DPH6: variants seen among roughly 807,000 people sequenced by gnomAD.
The protein encoded by DPH6 is diphthine--ammonia ligase.
A neutral mutation model predicts 38.2 loss-of-function variants in DPH6; 33 were observed. The observed-to-expected ratio is 0.86, with a 90% CI of 0.65 to 1.15. The LOEUF is 1.15. DPH6 is among the 50% of genes most tolerant of loss of function. DPH6 has a pLI of 0.00. For synonymous variants in DPH6, 108 were observed against 103.0 expected (o/e 1.05, Z -0.30); for missense variants, 325 against 320.0 (o/e 1.02, Z -0.12).
chr15:35,321,936 G>T (rs554294660), intron 3 of DPH6, among the ~76,000 whole-genome samples: 1 of 152,290 alleles, frequency 6.6e-6, no homozygotes, highest in Non-Finnish European at 1.5e-5. Flanking sequence ...TCTCTCCAAA[G>T]ACTCAGGGGT....
the DPH6 span, among the ~76,000 whole-genome samples, chr15:35,210,706 C>G: frequency 6.6e-6 from 1 of 152,004 alleles, no homozygotes; most frequent in African/African-American, 2.4e-5. Flanking sequence ...GGACACAGAT[C>G]TTACTAGGAT....
the DPH6 span, among the ~76,000 whole-genome samples, chr15:35,200,983 C>CT: frequency 0.75 from 93,092 of 123,806 alleles, 35,622 homozygotes; most frequent in Middle Eastern, 0.86. Context: ...AATAATTTCC[C>CT]TTTTTTTTTT....
At chr15:35,475,003 A>G (rs536667239) in intron 3 of DPH6, among the ~76,000 whole-genome samples, 2 of 152,188 alleles carry the variant, frequency 1.3e-5, no homozygotes, top group East Asian at 3.9e-4. Flanking sequence ...AAAAAAGCTT[A>G]AACAACTACC....
chr15:35,520,647 T>G (rs1231689097), intron 3 of DPH6: 1 of 984,926 alleles, frequency 1.0e-6, no homozygotes, highest in Non-Finnish European at 1.2e-6. Context: ...GGAGTTAAAT[T>G]ATCTCATTTT....
chr15:35,153,761 A>G, the DPH6 span, among the ~76,000 whole-genome samples: 1 of 152,186 alleles, frequency 6.6e-6, no homozygotes, highest in East Asian at 1.9e-4. Flanking sequence ...GATCATAGGT[A>G]ACATAACATA....
At chr15:35,462,843 A>G (rs1290146685) in intron 3 of DPH6, among the ~76,000 whole-genome samples, 2 of 152,174 alleles carry the variant, frequency 1.3e-5, no homozygotes. Context: ...ATATTAAATA[A>G]ATATTTATAA....
At chr15:35,210,946 CTTTTTTTTTTTTTT>C in the DPH6 span, among the ~76,000 whole-genome samples, 6 of 61,570 alleles carry the variant, frequency 9.7e-5, no homozygotes, top group South Asian at 2.3e-3. Context: ...AGATAGATCA[CTTTTTTTTTTTTTT>C]TTTTTTTTTT....
the DPH6 span, among the ~76,000 whole-genome samples, chr15:35,189,369 C>T: frequency 2.7e-4 from 41 of 152,296 alleles, no homozygotes; most frequent in Admixed American, 2.3e-3. Flanking sequence ...ATGCTTTCTG[C>T]CTTGCCTCAA....
chr15:35,466,599 T>G (rs1240673871), intron 3 of DPH6, among the ~76,000 whole-genome samples: 4 of 152,206 alleles, frequency 2.6e-5, no homozygotes, highest in Non-Finnish European at 5.9e-5. Flanking sequence ...TATTGAAATG[T>G]ATACAGTTGT....
intron 3 of DPH6, among the ~76,000 whole-genome samples, chr15:35,278,903 C>T (rs112111480): frequency 2.0e-5 from 3 of 151,668 alleles, no homozygotes; most frequent in East Asian, 3.9e-4. Flanking sequence ...CAAAAAATTA[C>T]GTGGGCGTGG....
intron 3 of DPH6, among the ~76,000 whole-genome samples, chr15:35,228,946 G>C (rs942444205): frequency 6.6e-6 from 1 of 152,072 alleles, no homozygotes; most frequent in African/African-American, 2.4e-5. Context: ...TATGTTATTT[G>C]GTTCTTTTCT....
the DPH6 span, among the ~76,000 whole-genome samples, chr15:35,202,059 A>G: frequency 5.9e-5 from 9 of 151,818 alleles, no homozygotes; most frequent in African/African-American, 9.7e-5. Context: ...CACATCTTTT[A>G]TAAGTTCATT....
In DPH6 at chr15:35,239,145, C is replaced by A. The variant is rs185510013; in HGVS notation, n.201-18563G>T. On this transcript the variant is annotated intron_variant and non_coding_transcript_variant, in intron 3 of 3. Transcript: ENST00000560386. The stretch of plus-strand genomic sequence containing the variant: ...CTGCTCTTTGCTCCGTGAGAAAGAT[C>A]CACCTACGACCTCAGGTCCTCAGAC... Among the ~76,000 whole-genome samples the A allele has an allele frequency of 1.9e-3, 280 of 143,992 alleles. 41 individuals carry two copies. Among genetic ancestry groups the A allele is most frequent in the East Asian group, 5.9e-3 (27 of 4,592 alleles). The allele number at this position is 143,992 out of a possible 152,430, so 94.5% of individuals were successfully genotyped here.
intron 5 of DPH6, among the ~76,000 whole-genome samples, chr15:35,445,256 A>C (rs2053837070): frequency 6.6e-6 from 1 of 152,196 alleles, no homozygotes; most frequent in South Asian, 2.1e-4. Context: ...CAGGCAGTAG[A>C]AATCTGCTCT....
At position 35,372,119 on chromosome 15, in the gene DPH6, T is replaced by A. The variant is rs564734736; in HGVS notation, c.*31A>T. The stretch of plus-strand genomic sequence containing the variant: ...ATGCAATTTTTTTGTATAGAAATGG[T>A]GGTTTAATGAACAATGTTCCAAAAC... On this transcript the variant is annotated 3_prime_UTR_variant, in exon 9 of 9. Transcript: ENST00000256538. The A allele has an allele frequency of 1.4e-5, 21 of 1,503,880 alleles. No individual in the cohort carries two copies. In the East Asian group the frequency reaches 4.3e-4, roughly 31 times the overall value. The allele number at this position is 1,503,880 out of a possible 1,614,324, so 93.2% of individuals were successfully genotyped here.
rs559094710 is a variant in DPH6 at position 35,233,113 on chromosome 15, G to T, written n.201-12531C>A. Among the ~76,000 whole-genome samples, 4 of 152,220 alleles carry T rather than the reference G, an allele frequency of 2.6e-5. No homozygotes were observed. The East Asian group carries it at 7.7e-4, about 29-fold the overall frequency. ...ACTTGAGGTCAGCAGTTTGAGACCA[G>T]CCTGGCCAATGTGGTGAAACCCCGT... On this transcript the variant is annotated intron_variant and non_coding_transcript_variant, in intron 3 of 3. Transcript: ENST00000560386.
intron 3 of DPH6, chr15:35,520,230 CAAAA>C (rs879230191): frequency 2.7e-6 from 1 of 372,748 alleles, no homozygotes; most frequent in Non-Finnish European, 3.2e-6. Flanking sequence ...CAAAAAAAAA[CAAAA>C]AAAAAACAAA....
chr15:35,493,832 A>G (rs894462765), intron 3 of DPH6, among the ~76,000 whole-genome samples: 2 of 152,094 alleles, frequency 1.3e-5, no homozygotes, highest in Non-Finnish European at 2.9e-5. Context: ...GCAAATAACA[A>G]AGTCATATTG....
chr15:35,493,101 C>T (rs2054505522), intron 3 of DPH6, among the ~76,000 whole-genome samples: 1 of 152,158 alleles, frequency 6.6e-6, no homozygotes, highest in East Asian at 1.9e-4. Context: ...TCATGCTAAT[C>T]CACCAACATT....
Sources: allele counts gnomAD v4.1 joint callset (sites outside exome capture counted in the v4.1 genomes callset), GRCh38; gene constraint gnomAD v4.1.1; transcripts MANE v1.5; gene names NCBI Gene and HGNC (gene_info 2026-07-23, HGNC 2026-07-21).